Variants in ZEB1 observed in about 807,000 individuals in gnomAD.
The protein encoded by ZEB1 is zinc finger E-box binding homeobox 1.
A neutral mutation model predicts 84.9 loss-of-function variants in ZEB1; 21 were observed. The ratio of observed to expected loss-of-function variants is 0.25; its 90% CI spans 0.18 to 0.36. The LOEUF is 0.36. ZEB1 is among the 10% of genes least tolerant of loss of function. The pLI is 1.00. For synonymous variants in ZEB1, 420 were observed against 471.1 expected, an observed-to-expected ratio of 0.89 and a Z score of 1.41; for missense variants, 1,104 against 1,330.2, an observed-to-expected ratio of 0.83 and a Z score of 2.65.
chr10:31,466,555 G>A (rs1400167033), intron 2 of ZEB1, among the ~76,000 whole-genome samples: 1 of 152,026 alleles, frequency 6.6e-6, no homozygotes, highest in East Asian at 1.9e-4. Context: ...AAAATATCTT[G>A]AAACAAACAA....
chr10:31,386,662 A>G (rs2048691247), intron 1 of ZEB1, among the ~76,000 whole-genome samples: 1 of 152,140 alleles, frequency 6.6e-6, no homozygotes, highest in Non-Finnish European at 1.5e-5. Flanking sequence ...ATTATAGTAG[A>G]TTATTCTGTG....
At chr10:31,393,955 T>C (rs1215155293) in intron 1 of ZEB1, among the ~76,000 whole-genome samples, 2 of 152,162 alleles carry the variant, frequency 1.3e-5, no homozygotes, top group African/African-American at 4.8e-5. Context: ...TTGTATAGGA[T>C]ATAAGTAAAT....
chr10:31,445,499 T>A (rs930929252), intron 1 of ZEB1, among the ~76,000 whole-genome samples: 1 of 150,000 alleles, frequency 6.7e-6, no homozygotes, highest in Non-Finnish European at 1.5e-5. Context: ...GTGCCAGTTT[T>A]CAAAGGGAAT....
intron 1 of ZEB1, among the ~76,000 whole-genome samples, chr10:31,441,627 A>G (rs1385771246): frequency 2.0e-5 from 3 of 151,934 alleles, no homozygotes; most frequent in African/African-American, 7.2e-5. Context: ...GGCAACCTAC[A>G]GAATGGGAAA....
intron 1 of ZEB1, chr10:31,389,550 T>C (rs1460108595): frequency 6.6e-6 from 1 of 152,110 alleles, no homozygotes; most frequent in Non-Finnish European, 1.5e-5. Context: ...CTCTGGTAGC[T>C]GGAGGGAGGT....
chr10:31,371,239 A>G (rs970050860), intron 1 of ZEB1, among the ~76,000 whole-genome samples: 13 of 152,176 alleles, frequency 8.5e-5, no homozygotes, highest in Non-Finnish European at 1.3e-4. Context: ...ATTTATAATT[A>G]CATCACAGCC....
intron 1 of ZEB1, chr10:31,361,001 C>T (rs191641134): frequency 2.4e-4 from 379 of 1,607,590 alleles, no homozygotes; most frequent in East Asian, 5.3e-4. Context: ...ATGGTACAGG[C>T]GCTTTACAAG....
chr10:31,405,460 C>T (rs1338308141), intron 1 of ZEB1, among the ~76,000 whole-genome samples: 1 of 152,100 alleles, frequency 6.6e-6, no homozygotes, highest in East Asian at 1.9e-4. Context: ...AAGCCTGATG[C>T]TTTATATTCA....
chr10:31,438,702 G>A (rs111563290), intron 1 of ZEB1, among the ~76,000 whole-genome samples: 1 of 152,200 alleles, frequency 6.6e-6, no homozygotes, highest in Non-Finnish European at 1.5e-5. Context: ...AATTACCTGG[G>A]TGTGGTGGCA....
chr10:31,369,148 A>G (rs1390845528), intron 1 of ZEB1, among the ~76,000 whole-genome samples: 1 of 152,166 alleles, frequency 6.6e-6, no homozygotes, highest in Non-Finnish European at 1.5e-5. Flanking sequence ...TGATGTTTTG[A>G]TATATGTATA....
intron 1 of ZEB1, among the ~76,000 whole-genome samples, chr10:31,338,337 T>A (rs2038640904): frequency 6.6e-6 from 1 of 152,170 alleles, no homozygotes; most frequent in East Asian, 1.9e-4. Context: ...ATTGCAACCC[T>A]ATGAGAAAGA....
At chr10:31,461,526 T>C (rs1331742220) in intron 2 of ZEB1, among the ~76,000 whole-genome samples, 1 of 152,114 alleles carries the variant, frequency 6.6e-6, no homozygotes, top group Non-Finnish European at 1.5e-5. Context: ...TAATTTTTTA[T>C]TGTAACCCCG....
At chr10:31,382,809 G>A (rs1348569657) in intron 1 of ZEB1, among the ~76,000 whole-genome samples, 1 of 152,006 alleles carries the variant, frequency 6.6e-6, no homozygotes, top group Non-Finnish European at 1.5e-5. Context: ...ATATATTGTT[G>A]TAAATATGCA....
At chr10:31,360,975 G>A in intron 1 of ZEB1, 1 of 1,604,992 alleles carries the variant, frequency 6.2e-7, no homozygotes, top group Non-Finnish European at 8.5e-7. Context: ...CCACGGAGCA[G>A]TGGGTTCTGG....
At chr10:31,405,689 G>A (rs575683738) in intron 1 of ZEB1, among the ~76,000 whole-genome samples, 101 of 151,104 alleles carry the variant, frequency 6.7e-4, no homozygotes, top group African/African-American at 2.4e-3. Context: ...AGTGGAACGT[G>A]TTTCTATTAC....
intron 2 of ZEB1, among the ~76,000 whole-genome samples, chr10:31,484,565 A>G (rs2065476548): frequency 6.6e-6 from 1 of 152,020 alleles, no homozygotes; most frequent in Non-Finnish European, 1.5e-5. Context: ...CTGAGTCTGT[A>G]AACTATGCCA....
chr10:31,435,651 T>TAG (rs1265658349), intron 1 of ZEB1, among the ~76,000 whole-genome samples: 2 of 151,702 alleles, frequency 1.3e-5, no homozygotes, highest in Non-Finnish European at 2.9e-5. Flanking sequence ...GGGCATGGAG[T>TAG]AGAGAAGGCT....
chr10:31,513,793 A>G (rs113208331), intron 5 of ZEB1, among the ~76,000 whole-genome samples: 1 of 152,186 alleles, frequency 6.6e-6, no homozygotes, highest in African/African-American at 2.4e-5. Flanking sequence ...TCGCTAAATG[A>G]CTGAGGCATA....
At chr10:31,490,024 T>C (rs903322368) in intron 2 of ZEB1, among the ~76,000 whole-genome samples, 4 of 151,550 alleles carry the variant, frequency 2.6e-5, no homozygotes, top group Admixed American at 2.6e-4. Flanking sequence ...TCCACTTTCT[T>C]ATGGAATCTA....
Sources: allele counts gnomAD v4.1 joint callset (sites outside exome capture counted in the v4.1 genomes callset), GRCh38; gene constraint gnomAD v4.1.1; transcripts MANE v1.5; gene names NCBI Gene and HGNC (gene_info 2026-07-23, HGNC 2026-07-21).